The following OR10J1 variants were observed in gnomAD, a reference collection of about 807,000 sequenced individuals.
OR10J1 encodes the protein olfactory receptor 10J1.
For missense variants in OR10J1, 474 were observed against 376.6 expected, an observed-to-expected ratio of 1.26 and a Z score of -2.14; for synonymous variants, 202 against 143.8, an observed-to-expected ratio of 1.40 and a Z score of -2.89.
At chr1:159,429,246 T>G in the OR10J1 span, among the ~76,000 whole-genome samples, 1 of 152,222 alleles carries the variant, frequency 6.6e-6, no homozygotes, top group African/African-American at 2.4e-5. Context: ...TGTTCCCAGT[T>G]TCTGCTGTAT....
At chr1:159,404,209 A>G in the OR10J1 span, among the ~76,000 whole-genome samples, 1 of 152,254 alleles carries the variant, frequency 6.6e-6, no homozygotes, top group Admixed American at 6.5e-5. Flanking sequence ...CAACAGGATG[A>G]CTATAGTCAA....
chr1:159,408,236 C>T, the OR10J1 span, among the ~76,000 whole-genome samples: 4 of 151,978 alleles, frequency 2.6e-5, no homozygotes, highest in Admixed American at 6.6e-5. Context: ...CAATGATAGA[C>T]TGGATTAAGA....
chr1:159,425,182 A>G, the OR10J1 span, among the ~76,000 whole-genome samples: 1 of 152,150 alleles, frequency 6.6e-6, no homozygotes, highest in Non-Finnish European at 1.5e-5. Flanking sequence ...GTTTCAAAAA[A>G]TTTACATCCC....
At chr1:159,409,729 A>G in the OR10J1 span, among the ~76,000 whole-genome samples, 1 of 152,124 alleles carries the variant, frequency 6.6e-6, no homozygotes, top group African/African-American at 2.4e-5. Context: ...TTTTTTAAAA[A>G]TTATATTGAA....
At chr1:159,406,401 C>T in the OR10J1 span, 7 of 392,948 alleles carry the variant, frequency 1.8e-5, no homozygotes, top group African/African-American at 4.2e-5. Context: ...AAATGGACAA[C>T]GGAAAGACAG....
chr1:159,400,478 G>A, the OR10J1 span, among the ~76,000 whole-genome samples: 2 of 151,304 alleles, frequency 1.3e-5, no homozygotes, highest in African/African-American at 4.8e-5. Flanking sequence ...AAAAGACAAA[G>A]AGTGTCACTA....
the OR10J1 span, among the ~76,000 whole-genome samples, chr1:159,408,359 G>GC: frequency 6.7e-6 from 1 of 150,268 alleles, no homozygotes; most frequent in African/African-American, 2.5e-5. Context: ...GTAAACTATC[G>GC]CAAGAACAAA....
At chr1:159,438,370 G>A (rs75049652), upstream of OR10J1, among the ~76,000 whole-genome samples, 292 of 152,272 alleles carry the variant, frequency 1.9e-3, 1 homozygote, top group Admixed American at 0.011. Flanking sequence ...AGTTTTGCAG[G>A]ACATTTCACA....
chr1:159,415,706 G>A, the OR10J1 span, among the ~76,000 whole-genome samples: 3 of 151,812 alleles, frequency 2.0e-5, no homozygotes, highest in African/African-American at 4.8e-5. Context: ...AATTTTAAAC[G>A]ATATGACTAA....
rs752888422 is a variant in OR10J1 at position 159,440,226 on chromosome 1, C to G, written c.435C>G (p.Val145=). 6.2e-7 allele frequency: 1 copy of G among 1,614,146 alleles called. No individual in the cohort carries two copies. Among genetic ancestry groups the G allele is most frequent in the South Asian group, 1.1e-5 (1 of 91,080 alleles). Residue 145 remains valine, a synonymous_variant, in exon 1 of 1, where the codon GTC becomes GTG. Transcript: ENST00000423932. ...IMNKRLRIQL[V]LGACSIGLIV... ...ACAAGAGGCTGCGTATCCAACTTGT[C>G]CTGGGGGCCTGCAGCATTGGGCTGA...
At chr1:159,399,277 T>G in the OR10J1 span, among the ~76,000 whole-genome samples, 1 of 151,982 alleles carries the variant, frequency 6.6e-6, no homozygotes, top group East Asian at 1.9e-4. Flanking sequence ...AGGTCTGTCC[T>G]GTAAGAAATT....
At chr1:159,402,835 G>A in the OR10J1 span, among the ~76,000 whole-genome samples, 1 of 151,994 alleles carries the variant, frequency 6.6e-6, no homozygotes, top group African/African-American at 2.4e-5. Flanking sequence ...AAAACTGGAA[G>A]AATCACATTA....
chr1:159,429,076 C>G, the OR10J1 span, among the ~76,000 whole-genome samples: 1 of 152,190 alleles, frequency 6.6e-6, no homozygotes, highest in African/African-American at 2.4e-5. Flanking sequence ...AGTTGATGGA[C>G]TAAGTTCTGG....
the OR10J1 span, among the ~76,000 whole-genome samples, chr1:159,407,061 T>G: frequency 7.0e-3 from 1,060 of 152,236 alleles, 13 homozygotes; most frequent in African/African-American, 0.023. Context: ...TAGAAAACTT[T>G]GTCAGGATGT....
rs1655869583 is a variant in OR10J1, at chr1:159,439,952, A to G, written c.161A>G (p.His54Arg). 1.2e-6 allele frequency: 2 copies of G among 1,614,124 alleles called. No homozygotes were observed. Among genetic ancestry groups the G allele is most frequent in the Non-Finnish European group, 1.7e-6 (2 of 1,180,012 alleles). Residue 54 changes from histidine (H) to arginine (R), a missense_variant, in exon 1 of 1, where the codon CAT becomes CGT. By Grantham distance (29) the His-to-Arg change is conservative. Transcript: ENST00000423932. Reference sequence around the variant, plus strand: ...GTGACCATCATCCGAATGGATCTTCATCTTCACACACCCATGTACTTCTTC... The same window carrying G: ...GTGACCATCATCCGAATGGATCTTCGTCTTCACACACCCATGTACTTCTTC... ...IIVTIIRMDL[H>R]LHTPMYFFLS...
At chr1:159,426,780 T>G in the OR10J1 span, among the ~76,000 whole-genome samples, 5 of 151,834 alleles carry the variant, frequency 3.3e-5, no homozygotes. Context: ...TGCAATAAAA[T>G]AAGAAATCAA....
chr1:159,410,543 T>C, the OR10J1 span, among the ~76,000 whole-genome samples: 1 of 152,146 alleles, frequency 6.6e-6, no homozygotes, highest in African/African-American at 2.4e-5. Context: ...TTGGTGGTGA[T>C]ATCCCCTTGA....
At chr1:159,402,993 T>A in the OR10J1 span, among the ~76,000 whole-genome samples, 88 of 151,890 alleles carry the variant, frequency 5.8e-4, no homozygotes, top group African/African-American at 2.1e-3. Flanking sequence ...CAAAGGTACC[T>A]AGAACACAAA....
At chr1:159,410,159 C>CT in the OR10J1 span, among the ~76,000 whole-genome samples, 5 of 152,026 alleles carry the variant, frequency 3.3e-5, no homozygotes, top group African/African-American at 1.2e-4. Context: ...CTAAAATTCT[C>CT]TTTTTTGGTT....
Sources: gnomAD v4.1 joint callset for allele counts (sites outside exome capture counted in the v4.1 genomes callset) on GRCh38, gnomAD v4.1.1 for gene constraint, MANE v1.5 for transcripts, NCBI Gene and HGNC (gene_info 2026-07-23, HGNC 2026-07-21) for gene names.